FAM167A: variants seen among roughly 807,000 people sequenced by gnomAD.
FAM167A encodes protein FAM167A.
FAM167A carries 23 observed loss-of-function variants against 14.9 expected under a neutral mutation model. The observed-to-expected ratio is 1.55, with a 90% CI of 1.11 to 2.19. The LOEUF is 2.19. FAM167A is among the 30% of genes most tolerant of loss of function. FAM167A has a pLI of 0.00. For synonymous variants in FAM167A, 174 were observed against 117.7 expected (o/e 1.48, Z -3.10); for missense variants, 401 against 281.5 (o/e 1.42, Z -3.04).
At position 11,423,594 on chromosome 8, in the gene FAM167A, T is replaced by C. The variant is rs1280077111; in HGVS notation, c.*779A>G. 6.6e-6 allele frequency: 1 copy of C among 152,228 alleles called. No homozygotes were observed. The highest frequency in any genetic ancestry group is 1.5e-5 in the Non-Finnish European group (1 of 68,070). The allele number at this position is 152,228 out of a possible 1,614,324, so 9.4% of individuals were successfully genotyped here. A position where few individuals can be genotyped will look rare whatever the true frequency, so the allele number is the denominator to read the frequency against. On this transcript the variant is annotated 3_prime_UTR_variant, in exon 3 of 3. Transcript: ENST00000284486. Reference sequence around the variant, plus strand: ...AGGACCTGCCTGGTTCAGTCACCAGTGGTCTCCCAGGCTGTCACCCTGGGG... The same window carrying C: ...AGGACCTGCCTGGTTCAGTCACCAGCGGTCTCCCAGGCTGTCACCCTGGGG...
At chr8:11,438,392 T>C (rs1806188994) in intron 2 of FAM167A, 5 of 450,600 alleles carry the variant, frequency 1.1e-5, no homozygotes, top group Non-Finnish European at 2.2e-5. Flanking sequence ...TTACTTTTAT[T>C]TGAATGTTGG....
intron 1 of FAM167A, 164 bp from the exon 2 acceptor site, chr8:11,444,972 T>A (rs9792375): frequency 9.1e-6 from 6 of 660,562 alleles, no homozygotes; most frequent in Non-Finnish European, 1.1e-5. Context: ...ATGCCTTAAT[T>A]CAATGCAGAG....
At chr8:11,467,857 G>C (rs1807833562), upstream of FAM167A, among the ~76,000 whole-genome samples, 1 of 152,260 alleles carries the variant, frequency 6.6e-6, no homozygotes, top group East Asian at 1.9e-4. Flanking sequence ...CGTCGTCTAA[G>C]GAGACATCTT....
At chr8:11,431,637 A>C (rs4841530) in intron 2 of FAM167A, among the ~76,000 whole-genome samples, 123,537 of 152,072 alleles carry the variant, frequency 0.81, 50,522 homozygotes, top group Middle Eastern at 0.89. Flanking sequence ...CACTGAGAAT[A>C]CTGCATCCAG....
intron 2 of FAM167A, among the ~76,000 whole-genome samples, chr8:11,442,622 C>T (rs1473063508): frequency 6.6e-6 from 1 of 152,148 alleles, no homozygotes; most frequent in African/African-American, 2.4e-5. Context: ...TTAGCCTCAG[C>T]CATTCAAAGA....
chr8:11,451,661 C>T (rs1807032562), intron 1 of FAM167A, among the ~76,000 whole-genome samples: 1 of 152,170 alleles, frequency 6.6e-6, no homozygotes, highest in South Asian at 2.1e-4. Context: ...GAGCATGTGA[C>T]CTGAGCTTGG....
intron 2 of FAM167A, among the ~76,000 whole-genome samples, chr8:11,442,312 G>C (rs1018354608): frequency 1.8e-4 from 28 of 152,246 alleles, no homozygotes; most frequent in African/African-American, 6.7e-4. Flanking sequence ...AACCACACGT[G>C]TGGTTATCAC....
chr8:11,444,708 C>G lies in FAM167A; in HGVS notation c.-297G>C. 1 of 1,192,842 alleles carries G rather than the reference C, an allele frequency of 8.4e-7. No individual in the cohort carries two copies. Among genetic ancestry groups the G allele is most frequent in the African/African-American group, 1.6e-5 (1 of 63,336 alleles). 73.9% of individuals were successfully genotyped at this position (1,192,842 alleles called of 1,614,324 possible). ...AGCGTCGCAGGAATCTCGGGGCAGCCTGTGCCAAGGTCTATCTGTCCTGAA... is the reference window on the plus strand; with the variant it reads ...AGCGTCGCAGGAATCTCGGGGCAGCGTGTGCCAAGGTCTATCTGTCCTGAA... On this transcript the variant is annotated 5_prime_UTR_variant, in exon 2 of 3. Coordinates refer to ENST00000284486, the MANE Select transcript of FAM167A (RefSeq NM_053279.3).
intron 1 of FAM167A, chr8:11,474,506 A>G (rs1028566717): frequency 2.6e-5 from 4 of 152,202 alleles, no homozygotes; most frequent in African/African-American, 9.6e-5. Flanking sequence ...CTGCCAGGCT[A>G]TGGTTCACAT....
chr8:11,468,048 C>T (rs1339846711), upstream of FAM167A, among the ~76,000 whole-genome samples: 1 of 152,216 alleles, frequency 6.6e-6, no homozygotes, highest in East Asian at 1.9e-4. Flanking sequence ...GCAGCTTGCC[C>T]TACCCAGTTC....
At chr8:11,443,895 A>C in intron 2 of FAM167A, 136 bp downstream of exon 2, 16 of 1,083,910 alleles carry the variant, frequency 1.5e-5, no homozygotes, top group Non-Finnish European at 1.9e-5. Context: ...AAGATTACAG[A>C]TGTGCACTTG....
intron 2 of FAM167A, among the ~76,000 whole-genome samples, chr8:11,440,253 G>A (rs1045805954): frequency 6.6e-6 from 1 of 151,888 alleles, no homozygotes; most frequent in African/African-American, 2.4e-5. Flanking sequence ...GCTCCGCCCC[G>A]GGGAGCCCAA....
At chr8:11,428,768 G>T (rs1228542491) in intron 2 of FAM167A, among the ~76,000 whole-genome samples, 1 of 152,192 alleles carries the variant, frequency 6.6e-6, no homozygotes, top group Non-Finnish European at 1.5e-5. Context: ...CCCATGCTCG[G>T]CTGCTCCCTG....
intron 2 of FAM167A, among the ~76,000 whole-genome samples, chr8:11,435,782 C>T (rs543844150): frequency 6.6e-6 from 1 of 152,212 alleles, no homozygotes; most frequent in African/African-American, 2.4e-5. Context: ...TAATAGTACC[C>T]ACTTACTGAT....
At chr8:11,462,539 G>A (rs753989701) in intron 1 of FAM167A, among the ~76,000 whole-genome samples, 8 of 152,258 alleles carry the variant, frequency 5.3e-5, no homozygotes, top group South Asian at 2.1e-4. Flanking sequence ...TAACTGAAGC[G>A]TGCAGAACAG....
chr8:11,440,299 G>A (rs1447887980), intron 2 of FAM167A, among the ~76,000 whole-genome samples: 1 of 152,196 alleles, frequency 6.6e-6, no homozygotes, highest in Non-Finnish European at 1.5e-5. Flanking sequence ...GCACTAAGAG[G>A]CTTGGAGGAT....
intron 2 of FAM167A, among the ~76,000 whole-genome samples, chr8:11,427,348 T>G (rs1805246936): frequency 6.6e-6 from 1 of 152,186 alleles, no homozygotes; most frequent in Non-Finnish European, 1.5e-5. Flanking sequence ...GCAGAGCGCC[T>G]TCTGTAAGCA....
chr8:11,433,440 G>A (rs992744458), intron 2 of FAM167A, among the ~76,000 whole-genome samples: 1 of 152,168 alleles, frequency 6.6e-6, no homozygotes, highest in Non-Finnish European at 1.5e-5. Context: ...GAATGTGGCT[G>A]TGTGCACTTT....
upstream of FAM167A, among the ~76,000 whole-genome samples, chr8:11,471,483 G>A (rs140370357): frequency 6.6e-6 from 1 of 152,118 alleles, no homozygotes; most frequent in South Asian, 2.1e-4. Context: ...ACATTGGGAC[G>A]GCAATAGAGG....
Sources: gnomAD v4.1 joint callset for allele counts (sites outside exome capture counted in the v4.1 genomes callset) on GRCh38, gnomAD v4.1.1 for gene constraint, MANE v1.5 for transcripts, NCBI Gene and HGNC (gene_info 2026-07-23, HGNC 2026-07-21) for gene names.